ZNF823: variants seen among roughly 807,000 people sequenced by gnomAD.
ZNF823 encodes ZFP 36 for a zinc finger protein.
In ZNF823, 5 loss-of-function variants were observed where a neutral mutation model predicts 11.4. The ratio of observed to expected loss-of-function variants is 0.44; its 90% CI spans 0.23 to 0.92. The LOEUF (loss-of-function observed/expected upper bound fraction) is 0.92, where lower values mean the gene tolerates loss of function less well. Among genes scored for constraint, ZNF823 ranks in the 40% least tolerant of loss-of-function variants. The pLI, the probability that ZNF823 is intolerant of heterozygous loss-of-function variation, is 0.24. For synonymous variants in ZNF823, 234 were observed against 250.5 expected (o/e 0.93, Z 0.62); for missense variants, 582 against 738.5 (o/e 0.79, Z 2.46).
chr19:11,733,672 C>A (rs1974944851), intron 1 of ZNF823, among the ~76,000 whole-genome samples: 2 of 152,140 alleles, frequency 1.3e-5, no homozygotes, highest in Admixed American at 1.3e-4. Flanking sequence ...GCACTTCAGC[C>A]TAGATGGCAG....
At chr19:11,724,123 G>A (rs765698914) in intron 3 of ZNF823, 71 bp downstream of exon 3, 27 of 1,298,906 alleles carry the variant, frequency 2.1e-5, no homozygotes, top group Middle Eastern at 1.9e-4. Flanking sequence ...TTCTCTGCTC[G>A]TTTTTAAAAT....
intron 3 of ZNF823, 116 bp from the exon 4 acceptor site, chr19:11,723,458 G>T: frequency 2.2e-6 from 2 of 901,534 alleles, no homozygotes; most frequent in Non-Finnish European, 3.2e-6. Flanking sequence ...TTCATCCCCT[G>T]TTTGAATGTG....
intron 1 of ZNF823, among the ~76,000 whole-genome samples, chr19:11,734,065 T>C (rs1358637600): frequency 6.6e-6 from 1 of 151,744 alleles, no homozygotes; most frequent in Non-Finnish European, 1.5e-5. Context: ...TGAAACCTCA[T>C]CTCTATGAAA....
In ZNF823 at chr19:11,732,758, C is replaced by T. The variant is rs180735325; in HGVS notation, c.3+6059G>A. Among the ~76,000 whole-genome samples, 193 of 152,334 alleles carry T rather than the reference C, an allele frequency of 1.3e-3. 2 individuals carry two copies. The highest frequency in any genetic ancestry group is 1.9e-4 in the East Asian group (1 of 5,174). ...AAGCTTTCCCTCTTGACACCACCTT[C>T]CTAGCGCATCCACGTGTTCACCAAC... On this transcript the variant is annotated intron_variant, in intron 1 of 3. Coordinates refer to ENST00000341191, the MANE Select transcript of ZNF823 (RefSeq NM_001080493.4).
chr19:11,721,477 T>A lies in ZNF823; in HGVS notation c.*224A>T. On this transcript the variant is annotated 3_prime_UTR_variant, in exon 4 of 4. Transcript: ENST00000341191. ...TACACAGTATACTGGAAGATATGCA[T>A]AGGTTACATGCAAATATGCCATATA... 5 of 509,384 alleles carry A rather than the reference T, an allele frequency of 9.8e-6. No individual in the cohort carries two copies. The highest frequency in any genetic ancestry group is 1.7e-5 in the Non-Finnish European group (5 of 288,466). 31.6% of individuals were successfully genotyped at this position (509,384 alleles called of 1,614,324 possible).
Position 11,721,659 on chromosome 19 carries a change from T to A in ZNF823, c.*42A>T. 2 of 1,541,682 alleles carry A rather than the reference T, an allele frequency of 1.3e-6. No homozygotes were observed. The highest frequency in any genetic ancestry group is 1.7e-6 in the Non-Finnish European group (2 of 1,144,150). ...TCTCCAAAGTGAGTTCTTTCAAGTT[T>A]CTGAAATTAAAGTACTGAATGTTTT... On this transcript the variant is annotated 3_prime_UTR_variant, in exon 4 of 4. Coordinates refer to ENST00000341191, the MANE Select transcript of ZNF823 (RefSeq NM_001080493.4).
intron 1 of ZNF823, among the ~76,000 whole-genome samples, chr19:11,737,272 C>CT (rs1408886697): frequency 6.6e-6 from 1 of 150,906 alleles, no homozygotes; most frequent in Non-Finnish European, 1.5e-5. Flanking sequence ...TTTTCTTTTT[C>CT]TTTTTTCTGA....
At chr19:11,727,910 G>A (rs1974821370) in intron 1 of ZNF823, among the ~76,000 whole-genome samples, 1 of 149,030 alleles carries the variant, frequency 6.7e-6, no homozygotes, top group African/African-American at 2.5e-5. Context: ...TTTTTGAGAC[G>A]GGAGTCTCGC....
chr19:11,735,755 C>T lies in ZNF823; in HGVS notation c.3+3062G>A, dbSNP rs573094429. Among the ~76,000 whole-genome samples the T allele has an allele frequency of 2.6e-5, 4 of 152,150 alleles. No homozygotes were observed. In the South Asian group the frequency reaches 8.3e-4, roughly 32 times the overall value. Reference sequence around the variant, plus strand: ...ATGGGTATTTAAAAAAAAAAATACCCATGTGTGATGAATCCAGTAAAATCA... The same window carrying T: ...ATGGGTATTTAAAAAAAAAAATACCTATGTGTGATGAATCCAGTAAAATCA... On this transcript the variant is annotated intron_variant, in intron 1 of 3. Transcript: ENST00000341191.
In ZNF823 at chr19:11,723,299, T is replaced by A. The variant is rs1469889679; in HGVS notation, c.235A>T (p.Thr79Ser). ...ATACTATCTGGAATCTGGCCAAAAGTTTCTCCACATTGACTGTCATCTTTA... is the reference window on the plus strand; with the variant it reads ...ATACTATCTGGAATCTGGCCAAAAGATTCTCCACATTGACTGTCATCTTTA... ...EIKDDSQCGE[T>S]FGQIPDSIVN... is the part of the protein sequence containing the mutation. The change falls in exon 4 of 4, where the codon ACT becomes TCT. Residue 79 changes from threonine (T) to serine (S), a missense_variant. Physicochemically the swap from Thr to Ser is moderately conservative, Grantham distance 58. Around this residue, in one of 3 missense-constraint regions of ZNF823, gnomAD observed 429 missense variants for 553.7 expected, o/e 0.77. Transcript: ENST00000341191. The A allele has an allele frequency of 1.2e-6, 2 of 1,613,372 alleles. No individual in the cohort carries two copies. Among genetic ancestry groups the A allele is most frequent in the South Asian group, 2.2e-5 (2 of 90,898 alleles).
chr19:11,737,823 G>A (rs533810074), intron 1 of ZNF823, among the ~76,000 whole-genome samples: 32 of 152,138 alleles, frequency 2.1e-4, no homozygotes, highest in Non-Finnish European at 4.4e-4. Flanking sequence ...GCCAGCCCTA[G>A]GAGGAGTTAG....
intron 1 of ZNF823, 128 bp downstream of exon 1, chr19:11,738,689 G>A (rs894903781): frequency 2.4e-6 from 3 of 1,264,946 alleles, no homozygotes; most frequent in East Asian, 2.8e-5. Flanking sequence ...GCAGAGCTGC[G>A]CCAGGGGCAC....
chr19:11,738,162 G>C (rs1181239625), intron 1 of ZNF823, among the ~76,000 whole-genome samples: 1 of 152,194 alleles, frequency 6.6e-6, no homozygotes, highest in South Asian at 2.1e-4. Context: ...GCTGACCGCC[G>C]GCTTCCTCAT....
At chr19:11,738,041 A>G (rs1311693700) in intron 1 of ZNF823, among the ~76,000 whole-genome samples, 1 of 152,170 alleles carries the variant, frequency 6.6e-6, no homozygotes, top group Non-Finnish European at 1.5e-5. Flanking sequence ...CACCGGGTTC[A>G]CAGGAACTGC....
chr19:11,735,545 G>A (rs1974979102), intron 1 of ZNF823, among the ~76,000 whole-genome samples: 1 of 152,064 alleles, frequency 6.6e-6, no homozygotes, highest in South Asian at 2.1e-4. Flanking sequence ...AGTATAAAAG[G>A]CTCCTCCCAT....
At position 11,722,312 on chromosome 19, in the gene ZNF823, T is replaced by G. The variant is rs994344491; in HGVS notation, c.1222A>C (p.Arg408=). 4 of 1,614,106 alleles carry G rather than the reference T, an allele frequency of 2.5e-6. No homozygotes were observed. Among genetic ancestry groups the G allele is most frequent in the African/African-American group, 1.3e-5 (1 of 74,948 alleles). The change falls in exon 4 of 4, where the codon AGG becomes CGG. Residue 408 remains arginine (R), a synonymous_variant. Transcript: ENST00000341191. The surrounding 1 kb of genome is among the most constrained non-coding windows in gnomAD (Gnocchi z 5.2). ...TAGGGTTTCTCTCCAGTGTGAGTCC[T>G]TTCATGTCTTTGAAATAAACTGGGA... ...GCPSLFQRHE[R]THTGEKPYQC... is the part of the protein sequence containing the mutation.
At chr19:11,729,727 C>A (rs1435072058) in intron 1 of ZNF823, among the ~76,000 whole-genome samples, 1 of 152,120 alleles carries the variant, frequency 6.6e-6, no homozygotes, top group Non-Finnish European at 1.5e-5. Context: ...AAAAGAAAAA[C>A]TGGTCAGACA....
intron 1 of ZNF823, among the ~76,000 whole-genome samples, chr19:11,732,655 G>A (rs1974923135): frequency 1.3e-5 from 2 of 151,484 alleles, no homozygotes; most frequent in Admixed American, 6.6e-5. Flanking sequence ...GGATGGTCTC[G>A]ATCTCCTGAC....
chr19:11,724,201 T>G lies in ZNF823; in HGVS notation c.184A>C (p.Asn62His). 6.2e-7 allele frequency: 1 copy of G among 1,608,620 alleles called. No homozygotes were observed. Among genetic ancestry groups the G allele is most frequent in the South Asian group, 1.1e-5 (1 of 90,096 alleles). The change falls in exon 3 of 4, where the codon AAT (asparagine) becomes CAT (histidine). Residue 62 changes from asparagine (N) to histidine (H), a missense_variant. This residue lies in a region of ZNF823 where 429 missense variants were observed against 553.7 expected (regional missense o/e 0.77). Coordinates refer to ENST00000341191, the MANE Select transcript of ZNF823 (RefSeq NM_001080493.4). ...TTTGTGGGTGCAAATTACCTTAGAT[T>G]TCTCTTGGCATTTTGGCACTGATCT... ...IGDQCQNAKR[N>H]LRSHTCEIKD... is the part of the protein sequence containing the mutation.
Sources: allele counts gnomAD v4.1 joint callset (sites outside exome capture counted in the v4.1 genomes callset), GRCh38; gene constraint gnomAD v4.1.1; regional missense constraint gnomAD v4.1.1; non-coding constraint Gnocchi (gnomAD v3.1); transcripts MANE v1.5; gene names NCBI Gene and HGNC (gene_info 2026-07-23, HGNC 2026-07-21).